ATPAF1: variants seen among roughly 807,000 people sequenced by gnomAD.
The protein encoded by ATPAF1 is homolog of yeast ATP11.
A neutral mutation model predicts 43.9 loss-of-function variants in ATPAF1; 26 were observed. The ratio of observed to expected loss-of-function variants is 0.59; its 90% CI spans 0.43 to 0.82. The LOEUF (loss-of-function observed/expected upper bound fraction) is 0.82. ATPAF1 is among the 40% of genes least tolerant of loss of function. The pLI, the probability that ATPAF1 is intolerant of heterozygous loss-of-function variation, is 0.00. For missense variants in ATPAF1, 366 were observed against 435.0 expected (o/e 0.84, Z 1.41); for synonymous variants, 157 against 168.0 (o/e 0.93, Z 0.50).
chr1:46,649,092 G>A (rs559169200), intron 6 of ATPAF1, among the ~76,000 whole-genome samples: 82 of 150,938 alleles, frequency 5.4e-4, no homozygotes, highest in African/African-American at 1.9e-3. Flanking sequence ...AACCCAGGAG[G>A]TGGAGGTTGC....
exon 9 of ATPAF1, chr1:46,635,713 AGG>A: frequency 6.8e-7 from 1 of 1,470,844 alleles, no homozygotes; most frequent in Non-Finnish European, 9.2e-7. Context: ...GTTCCTGAGG[AGG>A]GGGTGGGCTC....
At chr1:46,657,609 A>G (rs1026676042) in intron 4 of ATPAF1, among the ~76,000 whole-genome samples, 10 of 152,206 alleles carry the variant, frequency 6.6e-5, no homozygotes, top group Non-Finnish European at 1.5e-4. Flanking sequence ...GGTAAGTGCT[A>G]TTATTTGCTC....
chr1:46,638,879 C>T (rs1009341895), intron 8 of ATPAF1, among the ~76,000 whole-genome samples: 1 of 152,064 alleles, frequency 6.6e-6, no homozygotes, highest in Non-Finnish European at 1.5e-5. Flanking sequence ...TTTGATTCCT[C>T]CCTCTCTTTC....
At chr1:46,640,075 C>T (rs1195485722) in intron 8 of ATPAF1, among the ~76,000 whole-genome samples, 1 of 152,142 alleles carries the variant, frequency 6.6e-6, no homozygotes, top group African/African-American at 2.4e-5. Context: ...TTCCAACTCC[C>T]ACAACCCATT....
rs778934835 is a variant in ATPAF1 at position 46,652,639 on chromosome 1, G to A, written c.541-11C>T. On this transcript the variant is annotated splice_polypyrimidine_tract_variant and intron_variant, in intron 5 of 8. Transcript: ENST00000574428. The stretch of plus-strand genomic sequence containing the variant: ...ATCAAACTTTTCTGCCTGTAGGTTG[G>A]AAAAGAATAAAGTTAACCTACACAT... 49 of 1,611,096 alleles carry A rather than the reference G, an allele frequency of 3.0e-5. No individual in the cohort carries two copies. The highest frequency in any genetic ancestry group is 1.0e-4 in the Admixed American group (6 of 59,804).
chr1:46,656,231 G>A (rs1194687787), intron 4 of ATPAF1, among the ~76,000 whole-genome samples: 5 of 152,172 alleles, frequency 3.3e-5, no homozygotes, highest in Non-Finnish European at 7.3e-5. Flanking sequence ...ATTTGAAGCA[G>A]AGAATGACAA....
chr1:46,633,851 C>A (rs1324922916), downstream of ATPAF1: 1 of 456,136 alleles, frequency 2.2e-6, no homozygotes, highest in Non-Finnish European at 4.4e-6. Flanking sequence ...GCAAACATAA[C>A]TGGATACCAA....
intron 8 of ATPAF1, among the ~76,000 whole-genome samples, 193 bp downstream of exon 8, chr1:46,643,001 A>G (rs895455264): frequency 3.3e-5 from 5 of 152,232 alleles, no homozygotes; most frequent in Non-Finnish European, 5.9e-5. Context: ...AATTGTGAAT[A>G]AATGATTGAG....
chr1:46,660,649 A>G (rs1676370036), intron 2 of ATPAF1, among the ~76,000 whole-genome samples: 1 of 152,220 alleles, frequency 6.6e-6, no homozygotes, highest in Non-Finnish European at 1.5e-5. Flanking sequence ...ATTTGATGAA[A>G]TAAGGTAATT....
Position 46,650,340 on chromosome 1 carries a change from A to T in ATPAF1, c.588+2241T>A, listed in dbSNP as rs547329434. Among the ~76,000 whole-genome samples, 37 of 151,714 alleles carry T rather than the reference A, an allele frequency of 2.4e-4. 1 individual carries two copies. Among genetic ancestry groups the T allele is most frequent in the African/African-American group, 7.1e-4 (29 of 41,122 alleles). On this transcript the variant is annotated intron_variant, in intron 6 of 8. Coordinates refer to ENST00000574428, the Ensembl canonical transcript of ATPAF1. ...GGATTTGAAGCCCATCCTGGGCAAC[A>T]CAGTAAGACCTCATCTCTAAATGAA...
intron 3 of ATPAF1, 58 bp from the exon 4 acceptor site, chr1:46,658,247 T>G: frequency 8.7e-7 from 1 of 1,153,680 alleles, no homozygotes; most frequent in Non-Finnish European, 1.3e-6. Flanking sequence ...AAAAACAGCT[T>G]AACTCTATCT....
chr1:46,667,853 C>G (rs1676517186), intron 1 of ATPAF1, among the ~76,000 whole-genome samples: 1 of 152,202 alleles, frequency 6.6e-6, no homozygotes, highest in South Asian at 2.1e-4. Context: ...TGGAACGAGC[C>G]AGGGCTTTGC....
At chr1:46,654,649 TC>T (rs1368225316) in intron 4 of ATPAF1, among the ~76,000 whole-genome samples, 1 of 151,852 alleles carries the variant, frequency 6.6e-6, no homozygotes, top group Admixed American at 6.6e-5. Flanking sequence ...CATCAACTTG[TC>T]ATTTACTTTA....
intron 7 of ATPAF1, 91 bp from the exon 8 acceptor site, chr1:46,643,392 G>A: frequency 1.0e-6 from 1 of 986,488 alleles, no homozygotes. Context: ...GGAAATTCTG[G>A]CTCTTAACAG....
chr1:46,663,524 C>T (rs1285264514), intron 2 of ATPAF1, among the ~76,000 whole-genome samples: 16 of 152,252 alleles, frequency 1.1e-4, no homozygotes, highest in Admixed American at 2.6e-4. Context: ...TGCATTTCTC[C>T]AATGGCCAGT....
intron 2 of ATPAF1, among the ~76,000 whole-genome samples, chr1:46,662,023 T>C (rs890170888): frequency 4.0e-5 from 6 of 151,746 alleles, no homozygotes; most frequent in Admixed American, 2.6e-4. Flanking sequence ...GCCTCCCGAG[T>C]AGCTGGGACT....
chr1:46,637,170 A>C (rs1675856596), intron 8 of ATPAF1, among the ~76,000 whole-genome samples: 1 of 152,200 alleles, frequency 6.6e-6, no homozygotes, highest in Non-Finnish European at 1.5e-5. Flanking sequence ...GTAGCAGAGA[A>C]ATGGTGAGCA....
At chr1:46,639,811 ATTGTC>A (rs1486445785) in intron 8 of ATPAF1, among the ~76,000 whole-genome samples, 1 of 152,208 alleles carries the variant, frequency 6.6e-6, no homozygotes, top group Non-Finnish European at 1.5e-5. Flanking sequence ...GCAAATATGT[ATTGTC>A]TTGTATGCTG....
chr1:46,637,824 T>C (rs891747768), intron 8 of ATPAF1, among the ~76,000 whole-genome samples: 4 of 152,170 alleles, frequency 2.6e-5, no homozygotes, highest in African/African-American at 9.7e-5. Context: ...TCTCATTTAA[T>C]AGGCTAGGAA....
Sources: gnomAD v4.1 joint callset for allele counts (sites outside exome capture counted in the v4.1 genomes callset) on GRCh38, gnomAD v4.1.1 for gene constraint, MANE v1.5 for transcripts, NCBI Gene and HGNC (gene_info 2026-07-23, HGNC 2026-07-21) for gene names.